Variants in CHD7 observed in about 807,000 individuals in gnomAD.
CHD7 encodes the protein chromodomain helicase DNA binding protein 7, also known as ATP-dependent chromatin remodeler CHD7.
A neutral mutation model predicts 307.3 loss-of-function variants in CHD7; 24 were observed. The observed-to-expected ratio is 0.08, with a 90% CI of 0.06 to 0.11. CHD7 has a LOEUF of 0.11. Among genes scored for constraint, CHD7 ranks in the 10% least tolerant of loss-of-function variants. The pLI is 1.00. For missense variants in CHD7, 3,106 were observed against 3,727.1 expected (o/e 0.83, Z 4.34); for synonymous variants, 1,363 against 1,349.9 (o/e 1.01, Z -0.21).
At chr8:60,863,630 A>G (rs1254882360) in intron 37 of CHD7, 1 of 152,062 alleles carries the variant, frequency 6.6e-6, no homozygotes, top group Admixed American at 6.5e-5. Context: ...ACTTTTACAT[A>G]TATTTGAAAT....
At chr8:60,705,035 T>C (rs1806953265) in intron 1 of CHD7, among the ~76,000 whole-genome samples, 1 of 152,214 alleles carries the variant, frequency 6.6e-6, no homozygotes, top group Non-Finnish European at 1.5e-5. Context: ...CTCATCTGCA[T>C]AGGAGCTCTG....
intron 25 of CHD7, among the ~76,000 whole-genome samples, chr8:60,849,989 C>T (rs1015985400): frequency 4.6e-5 from 7 of 152,100 alleles, no homozygotes; most frequent in African/African-American, 1.4e-4. Context: ...TAGAGGGAAC[C>T]GTGTCATCTT....
chr8:60,865,911 A>G lies in CHD7; in HGVS notation c.8972A>G (p.Glu2991Gly), dbSNP rs1245508487. The G allele has an allele frequency of 6.2e-7, 1 of 1,604,584 alleles. No homozygotes were observed. ...TCACTTGATGGGGGGGATGAAATAG[A>G]AAACAATGAAAATGATGAATAACCA... ...LDSLDGGDEI[E>G]NNENDE The change falls in exon 38 of 38, where the codon GAA (glutamate) becomes GGA (glycine). Residue 2991 changes from glutamate to glycine, a missense_variant. By Grantham distance (98) the Glu-to-Gly change is moderately conservative (BLOSUM62 -2). This residue lies in a region of CHD7 where 351 missense variants were observed against 366.2 expected (regional missense o/e 0.96). Transcript: ENST00000423902. This position sits in a 1 kb window ranked among gnomAD's most constrained non-coding sequence, Gnocchi z 4.3.
At chr8:60,834,815 A>T (rs932651530) in intron 15 of CHD7, among the ~76,000 whole-genome samples, 3 of 152,234 alleles carry the variant, frequency 2.0e-5, no homozygotes, top group African/African-American at 7.2e-5. Flanking sequence ...ATGCAGCCTT[A>T]AAGTACAGAT....
chr8:60,808,178 T>TG, intron 6 of CHD7, 39 bp from the exon 7 acceptor site: 3 of 1,365,144 alleles, frequency 2.2e-6, no homozygotes, highest in Non-Finnish European at 3.1e-6. Flanking sequence ...TTCTAGTAGA[T>TG]GGTTTTAAAT....
chr8:60,684,545 G>A (rs1280147484), intron 1 of CHD7, among the ~76,000 whole-genome samples: 1 of 146,790 alleles, frequency 6.8e-6, no homozygotes, highest in Non-Finnish European at 1.5e-5. Flanking sequence ...TCAGTTGGGT[G>A]GGGTATTACC....
At chr8:60,811,264 T>A (rs1812794834) in intron 7 of CHD7, among the ~76,000 whole-genome samples, 3 of 152,236 alleles carry the variant, frequency 2.0e-5, no homozygotes, top group Admixed American at 1.3e-4. Flanking sequence ...AATATTAATA[T>A]GTTACAAAAG....
chr8:60,714,363 G>A (rs1807455447), intron 1 of CHD7, among the ~76,000 whole-genome samples: 2 of 144,896 alleles, frequency 1.4e-5, no homozygotes, highest in Admixed American at 6.9e-5. Flanking sequence ...CTGACCGGAA[G>A]GCCGAGCCCC....
At chr8:60,780,850 AAGC>A (rs1811180015) in intron 2 of CHD7, 147 bp from the exon 3 acceptor site, 6 of 985,450 alleles carry the variant, frequency 6.1e-6, no homozygotes, top group Non-Finnish European at 8.1e-6. Flanking sequence ...TGGATGAGAG[AAGC>A]TGATAGATTC....
intron 15 of CHD7, among the ~76,000 whole-genome samples, chr8:60,833,109 A>G (rs1804596298): frequency 6.6e-6 from 1 of 152,258 alleles, no homozygotes; most frequent in South Asian, 2.1e-4. Flanking sequence ...AGTCTGGAGT[A>G]AAAACATATA....
intron 3 of CHD7, among the ~76,000 whole-genome samples, chr8:60,789,330 A>G (rs1399504770): frequency 1.3e-5 from 2 of 152,268 alleles, no homozygotes; most frequent in African/African-American, 4.8e-5. Flanking sequence ...AAGTGTAAGA[A>G]TATGCTTTAA....
chr8:60,714,186 G>C (rs1441264353), intron 1 of CHD7, among the ~76,000 whole-genome samples: 1 of 151,932 alleles, frequency 6.6e-6, no homozygotes, highest in African/African-American at 2.4e-5. Flanking sequence ...CCCCCGGGGG[G>C]CGGGGCATCC....
chr8:60,830,644 C>G, intron 15 of CHD7, 67 bp downstream of exon 15: 3 of 1,554,054 alleles, frequency 1.9e-6, no homozygotes, highest in Non-Finnish European at 1.8e-6. Context: ...CTTTCTGCCC[C>G]CAGACTGGGG....
At chr8:60,743,198 AT>A in intron 2 of CHD7, 101 bp downstream of exon 2, 1 of 965,092 alleles carries the variant, frequency 1.0e-6, no homozygotes, top group Non-Finnish European at 1.6e-6. Context: ...AAGCTTTTTC[AT>A]TATGAGTGCC....
chr8:60,681,526 G>GT (rs1224967026), intron 1 of CHD7, among the ~76,000 whole-genome samples: 1 of 152,156 alleles, frequency 6.6e-6, no homozygotes, highest in African/African-American at 2.4e-5. Flanking sequence ...CTCAGGAAAA[G>GT]TTTATTTTCC....
At chr8:60,735,556 T>C (rs1253879656) in intron 1 of CHD7, among the ~76,000 whole-genome samples, 4 of 152,106 alleles carry the variant, frequency 2.6e-5, no homozygotes, top group Non-Finnish European at 5.9e-5. Context: ...AAATTATTTA[T>C]GAAGAAATAA....
chr8:60,796,153 G>A (rs1295682857), intron 4 of CHD7, among the ~76,000 whole-genome samples: 1 of 152,194 alleles, frequency 6.6e-6, no homozygotes, highest in Non-Finnish European at 1.5e-5. Flanking sequence ...TGAAAGGGAG[G>A]GAGAGAGAGA....
intron 3 of CHD7, among the ~76,000 whole-genome samples, chr8:60,786,953 A>G (rs1041967232): frequency 6.6e-6 from 1 of 152,194 alleles, no homozygotes; most frequent in African/African-American, 2.4e-5. Context: ...CCCTCACTTC[A>G]GCCACCTTTA....
chr8:60,769,178 G>A (rs531598032), intron 2 of CHD7, among the ~76,000 whole-genome samples: 1 of 152,268 alleles, frequency 6.6e-6, no homozygotes, highest in South Asian at 2.1e-4. Context: ...TCTAACTAAG[G>A]CTGCTGAATA....
Sources: gnomAD v4.1 joint callset for allele counts (sites outside exome capture counted in the v4.1 genomes callset) on GRCh38, gnomAD v4.1.1 for gene constraint, gnomAD v4.1.1 regional missense constraint, Gnocchi (gnomAD v3.1) non-coding constraint, MANE v1.5 for transcripts, NCBI Gene and HGNC (gene_info 2026-07-23, HGNC 2026-07-21) for gene names.